Variants in SLC24A2 observed in about 807,000 individuals in gnomAD.
The protein encoded by SLC24A2 is sodium/potassium/calcium exchanger 2.
SLC24A2 carries 36 observed loss-of-function variants against 62.0 expected under a neutral mutation model. The observed-to-expected ratio is 0.58, with a 90% CI of 0.44 to 0.77. The LOEUF (loss-of-function observed/expected upper bound fraction) is 0.77, where lower values mean the gene tolerates loss of function less well. Among genes scored for constraint, SLC24A2 ranks in the 30% least tolerant of loss-of-function variants. SLC24A2 has a pLI of 0.00. For synonymous variants in SLC24A2, 358 were observed against 294.0 expected, an observed-to-expected ratio of 1.22 and a Z score of -2.23; for missense variants, 846 against 817.9, an observed-to-expected ratio of 1.03 and a Z score of -0.42.
intron 2 of SLC24A2, among the ~76,000 whole-genome samples, chr9:19,743,174 G>A (rs1821730095): frequency 6.6e-6 from 1 of 152,164 alleles, no homozygotes; most frequent in African/African-American, 2.4e-5. Flanking sequence ...TCCACTGTCT[G>A]CATCACATCA....
At chr9:19,525,952 T>C (rs980471826) in intron 9 of SLC24A2, among the ~76,000 whole-genome samples, 3 of 152,092 alleles carry the variant, frequency 2.0e-5, no homozygotes, top group African/African-American at 4.8e-5. Context: ...GTTTTGAACT[T>C]ATTCATCATC....
At chr9:19,944,364 CA>C in the SLC24A2 span, among the ~76,000 whole-genome samples, 1 of 150,686 alleles carries the variant, frequency 6.6e-6, no homozygotes, top group South Asian at 2.1e-4. Flanking sequence ...ATTTATAGCC[CA>C]AACCTCAACA....
In SLC24A2 at chr9:19,683,807, G is replaced by T. The variant is rs539941334; in HGVS notation, c.931-61508C>A. Among the ~76,000 whole-genome samples, 4 of 152,106 alleles carry T rather than the reference G, an allele frequency of 2.6e-5. No homozygotes were observed. In the South Asian group the frequency reaches 8.3e-4, roughly 32 times the overall value. The stretch of plus-strand genomic sequence containing the variant: ...TAAAAACATTATTTTTTTGAGGCGG[G>T]GAGGAAACACTTAAAAAAGCTGTTG... On this transcript the variant is annotated intron_variant, in intron 2 of 10. Transcript: ENST00000341998.
chr9:20,198,407 T>C, the SLC24A2 span, among the ~76,000 whole-genome samples: 1 of 152,168 alleles, frequency 6.6e-6, no homozygotes, highest in Non-Finnish European at 1.5e-5. Flanking sequence ...CCTTAGATCA[T>C]CTGCTTCTTT....
intron 7 of SLC24A2, among the ~76,000 whole-genome samples, chr9:19,571,491 G>A (rs1835835539): frequency 6.6e-6 from 1 of 151,864 alleles, no homozygotes; most frequent in Admixed American, 6.5e-5. Context: ...CAGCTCATTG[G>A]GGGAAGTTCT....
At chr9:19,964,815 G>A in the SLC24A2 span, among the ~76,000 whole-genome samples, 1 of 152,192 alleles carries the variant, frequency 6.6e-6, no homozygotes, top group African/African-American at 2.4e-5. Context: ...GTCTTCTGTA[G>A]CATGTCTGAC....
At chr9:19,570,897 G>C (rs1563974054) in intron 7 of SLC24A2, among the ~76,000 whole-genome samples, 1 of 152,312 alleles carries the variant, frequency 6.6e-6, no homozygotes, top group East Asian at 1.9e-4. Context: ...CTGATTGTAA[G>C]TGAAGACCTG....
At chr9:20,216,867 T>G in the SLC24A2 span, among the ~76,000 whole-genome samples, 41 of 152,310 alleles carry the variant, frequency 2.7e-4, no homozygotes, top group African/African-American at 9.4e-4. Flanking sequence ...TGTTTCCATC[T>G]TTTTCCCAAG....
chr9:20,221,181 A>C, the SLC24A2 span, among the ~76,000 whole-genome samples: 2 of 152,026 alleles, frequency 1.3e-5, no homozygotes, highest in East Asian at 3.9e-4. Flanking sequence ...TGCCATGGAG[A>C]AGATAAGAGT....
rs982381904 is a variant in SLC24A2, at chr9:19,587,195, T to G, written c.1129+10034A>C. Among the ~76,000 whole-genome samples the G allele has an allele frequency of 1.3e-5, 2 of 152,290 alleles. 1 individual carries two copies. On this transcript the variant is annotated intron_variant, in intron 5 of 10. Transcript: ENST00000341998. ...TGGAAAATAGTAGGTGCTCAAGAAA[T>G]AGGTGTTGAAAGATTATGATGACCT...
At chr9:19,543,184 C>G (rs890688041) in intron 8 of SLC24A2, among the ~76,000 whole-genome samples, 1 of 152,118 alleles carries the variant, frequency 6.6e-6, no homozygotes, top group Non-Finnish European at 1.5e-5. Flanking sequence ...GGAATTTATC[C>G]ATTTCTTCTA....
intron 8 of SLC24A2, among the ~76,000 whole-genome samples, chr9:19,539,397 A>T (rs552184770): frequency 6.6e-6 from 1 of 151,584 alleles, no homozygotes; most frequent in Admixed American, 6.6e-5. Context: ...AGATTCTGGT[A>T]TGTGGTGTCT....
chr9:20,124,018 C>G, the SLC24A2 span, among the ~76,000 whole-genome samples: 7 of 152,278 alleles, frequency 4.6e-5, no homozygotes, highest in East Asian at 9.6e-4. Flanking sequence ...ATATCTTTAT[C>G]TCATAGAATA....
chr9:19,826,074 C>G, the SLC24A2 span, among the ~76,000 whole-genome samples: 10 of 151,326 alleles, frequency 6.6e-5, no homozygotes, highest in Non-Finnish European at 1.0e-4. Context: ...AAACAAAATG[C>G]CTGCTCTGAA....
At chr9:20,243,383 T>C in the SLC24A2 span, among the ~76,000 whole-genome samples, 1 of 152,192 alleles carries the variant, frequency 6.6e-6, no homozygotes, top group East Asian at 1.9e-4. Context: ...TTATGAAATA[T>C]TTGACACATG....
At chr9:19,528,967 C>T (rs565186340) in intron 8 of SLC24A2, among the ~76,000 whole-genome samples, 1 of 152,236 alleles carries the variant, frequency 6.6e-6, no homozygotes, top group South Asian at 2.1e-4. Flanking sequence ...AAAAATCAGA[C>T]ACTTGAAATG....
the SLC24A2 span, among the ~76,000 whole-genome samples, chr9:20,293,599 C>A: frequency 6.6e-6 from 1 of 152,160 alleles, no homozygotes; most frequent in Non-Finnish European, 1.5e-5. Flanking sequence ...GATGGCAGAG[C>A]CTTCTTGGCC....
chr9:19,857,915 T>C, the SLC24A2 span, among the ~76,000 whole-genome samples: 1 of 152,174 alleles, frequency 6.6e-6, no homozygotes, highest in Non-Finnish European at 1.5e-5. Context: ...AACATTAAAA[T>C]GGCCATACTG....
the SLC24A2 span, among the ~76,000 whole-genome samples, chr9:20,101,340 T>C: frequency 6.6e-6 from 1 of 152,230 alleles, no homozygotes; most frequent in Non-Finnish European, 1.5e-5. Flanking sequence ...AGAGCCTTTG[T>C]TCAGTACCTT....
Sources: gnomAD v4.1 joint callset for allele counts (sites outside exome capture counted in the v4.1 genomes callset) on GRCh38, gnomAD v4.1.1 for gene constraint, MANE v1.5 for transcripts, NCBI Gene and HGNC (gene_info 2026-07-23, HGNC 2026-07-21) for gene names.